Variants in PDE4B observed in about 807,000 individuals in gnomAD.
PDE4B encodes 3',5'-cyclic-AMP phosphodiesterase 4B.
In PDE4B, 20 loss-of-function variants were observed where a neutral mutation model predicts 82.2. That is an observed-to-expected ratio of 0.24 (90% CI 0.17 to 0.35). PDE4B has a LOEUF of 0.35. Ranked by LOEUF, PDE4B falls within the 10% of genes least tolerant of loss-of-function variation. The pLI is 1.00. For missense variants in PDE4B, 655 were observed against 907.2 expected (o/e 0.72, Z 3.57); for synonymous variants, 320 against 318.9 (o/e 1.00, Z -0.04).
intron 3 of PDE4B, among the ~76,000 whole-genome samples, chr1:65,965,721 C>T (rs751954912): frequency 6.6e-6 from 1 of 151,978 alleles, no homozygotes; most frequent in Non-Finnish European, 1.5e-5. Flanking sequence ...CAGTGCATAG[C>T]GTATTATTGG....
At chr1:65,833,477 T>G (rs1366285812) in intron 1 of PDE4B, among the ~76,000 whole-genome samples, 1 of 152,188 alleles carries the variant, frequency 6.6e-6, no homozygotes, top group Non-Finnish European at 1.5e-5. Context: ...TAAAAGGAAG[T>G]ACTTTCAGTC....
chr1:65,896,842 G>A (rs1251172008), intron 1 of PDE4B, among the ~76,000 whole-genome samples: 1 of 152,170 alleles, frequency 6.6e-6, no homozygotes, highest in Non-Finnish European at 1.5e-5. Context: ...TGGAGACTGT[G>A]AAGCAGTTGT....
chr1:66,039,687 G>A (rs933459333), intron 3 of PDE4B, among the ~76,000 whole-genome samples: 3 of 151,978 alleles, frequency 2.0e-5, no homozygotes, highest in Non-Finnish European at 4.4e-5. Context: ...CTATGACTCA[G>A]AAATGTCATA....
At chr1:66,000,569 T>A (rs146915309) in intron 3 of PDE4B, among the ~76,000 whole-genome samples, 1 of 152,194 alleles carries the variant, frequency 6.6e-6, no homozygotes, top group Admixed American at 6.5e-5. Context: ...TAGTAATTTG[T>A]TTGACATAAA....
intron 7 of PDE4B, among the ~76,000 whole-genome samples, chr1:66,277,916 A>G (rs868575580): frequency 1.3e-5 from 2 of 152,224 alleles, no homozygotes; most frequent in South Asian, 2.1e-4. Context: ...AAGTAATTCA[A>G]CATCCCTGGG....
intron 3 of PDE4B, among the ~76,000 whole-genome samples, chr1:65,980,069 G>A (rs1400495552): frequency 6.6e-6 from 1 of 152,156 alleles, no homozygotes; most frequent in Non-Finnish European, 1.5e-5. Flanking sequence ...AACAGATCCT[G>A]AAGTGAGTGT....
chr1:65,970,369 C>CT (rs1428952277), intron 3 of PDE4B, among the ~76,000 whole-genome samples: 1 of 152,026 alleles, frequency 6.6e-6, no homozygotes, highest in Non-Finnish European at 1.5e-5. Context: ...TTTCCTATGG[C>CT]TTTTTGCAGA....
chr1:66,274,232 C>T (rs370207699), intron 7 of PDE4B, among the ~76,000 whole-genome samples: 1 of 151,928 alleles, frequency 6.6e-6, no homozygotes, highest in East Asian at 1.9e-4. Context: ...ACAATCTCAG[C>T]TCACTGCAAC....
At position 66,129,178 on chromosome 1, in the gene PDE4B, A is replaced by G. The variant is rs963060889; in HGVS notation, c.282-118282A>G. Among the ~76,000 whole-genome samples the G allele has an allele frequency of 3.3e-5, 5 of 152,342 alleles. No homozygotes were observed. The East Asian group carries it at 9.6e-4, about 29-fold the overall frequency. ...ATTCCTCTTGTAGCTTGGACCTAAC[A>G]TATTAAGTGCTACAAAATGTTTGAC... On this transcript the variant is annotated intron_variant, in intron 3 of 16. Coordinates refer to ENST00000341517, the MANE Select transcript of PDE4B (RefSeq NM_002600.4).
At chr1:65,921,686 A>G (rs1416271030) in intron 3 of PDE4B, among the ~76,000 whole-genome samples, 1 of 152,222 alleles carries the variant, frequency 6.6e-6, no homozygotes, top group African/African-American at 2.4e-5. Context: ...CTGTGTTCCA[A>G]TAAAACTTTG....
chr1:66,110,113 T>C (rs540098097), intron 3 of PDE4B, among the ~76,000 whole-genome samples: 43 of 152,152 alleles, frequency 2.8e-4, no homozygotes, highest in African/African-American at 1.0e-3. Flanking sequence ...GGCAAAAAGC[T>C]TGAAGCTTTC....
intron 3 of PDE4B, among the ~76,000 whole-genome samples, chr1:65,966,417 A>G (rs1215764730): frequency 6.6e-6 from 1 of 152,188 alleles, no homozygotes; most frequent in East Asian, 1.9e-4. Flanking sequence ...ACAAAAGGAA[A>G]AACATTCCGT....
chr1:65,996,305 T>G (rs2100692401), intron 3 of PDE4B, among the ~76,000 whole-genome samples: 1 of 151,806 alleles, frequency 6.6e-6, no homozygotes, highest in Admixed American at 6.6e-5. Context: ...ACTAGAAAAT[T>G]ATTTGTTATG....
intron 3 of PDE4B, among the ~76,000 whole-genome samples, chr1:66,139,143 G>C (rs1428907291): frequency 6.6e-6 from 1 of 152,174 alleles, no homozygotes; most frequent in Non-Finnish European, 1.5e-5. Context: ...TTGTCTCATG[G>C]TTCTATTCAT....
At chr1:66,139,144 T>C (rs1190047762) in intron 3 of PDE4B, among the ~76,000 whole-genome samples, 1 of 152,200 alleles carries the variant, frequency 6.6e-6, no homozygotes, top group African/African-American at 2.4e-5. Context: ...TGTCTCATGG[T>C]TCTATTCATC....
At chr1:66,218,933 T>C (rs548115668) in intron 3 of PDE4B, among the ~76,000 whole-genome samples, 3 of 152,260 alleles carry the variant, frequency 2.0e-5, no homozygotes, top group South Asian at 2.1e-4. Context: ...GTTTTGTTTA[T>C]AGAAAAAAAT....
chr1:66,214,175 T>C (rs1056876449), intron 3 of PDE4B, among the ~76,000 whole-genome samples: 10 of 152,212 alleles, frequency 6.6e-5, no homozygotes, highest in African/African-American at 2.4e-4. Flanking sequence ...GTTCTTGAAA[T>C]GTCTACTAGC....
intron 3 of PDE4B, among the ~76,000 whole-genome samples, chr1:66,168,792 A>G (rs779653719): frequency 6.6e-6 from 1 of 152,208 alleles, no homozygotes; most frequent in Non-Finnish European, 1.5e-5. Flanking sequence ...GTCCAGTTAG[A>G]AACTGTTTTT....
In PDE4B at chr1:65,958,555, A is replaced by T. The variant is rs372164791; in HGVS notation, c.281+39720A>T. Reference sequence around the variant, plus strand: ...TAAAATTTATAAATAATGTGGTAGGATTCACCTATACAATATCTGGGTCTG... The same window carrying T: ...TAAAATTTATAAATAATGTGGTAGGTTTCACCTATACAATATCTGGGTCTG... On this transcript the variant is annotated intron_variant, in intron 3 of 16. Transcript: ENST00000341517. Among the ~76,000 whole-genome samples, 6 of 152,052 alleles carry T rather than the reference A, an allele frequency of 3.9e-5. No homozygotes were observed. In the East Asian group the frequency reaches 1.2e-3, roughly 29 times the overall value.
Sources: allele counts gnomAD v4.1 joint callset (sites outside exome capture counted in the v4.1 genomes callset), GRCh38; gene constraint gnomAD v4.1.1; transcripts MANE v1.5; gene names NCBI Gene and HGNC (gene_info 2026-07-23, HGNC 2026-07-21).